RGL1: variants seen among roughly 807,000 people sequenced by gnomAD.
RGL1 encodes ral guanine nucleotide dissociation stimulator-like 1.
A neutral mutation model predicts 95.2 loss-of-function variants in RGL1; 24 were observed. The observed-to-expected ratio is 0.25, with a 90% CI of 0.18 to 0.35. RGL1 has a LOEUF of 0.35. Among genes scored for constraint, RGL1 ranks in the 10% least tolerant of loss-of-function variants. The pLI is 1.00. For missense variants in RGL1, 715 were observed against 936.3 expected, an observed-to-expected ratio of 0.76 and a Z score of 3.08; for synonymous variants, 329 against 344.9, an observed-to-expected ratio of 0.95 and a Z score of 0.51.
chr1:183,895,788 T>G (rs1488518891), intron 9 of RGL1, among the ~76,000 whole-genome samples: 1 of 152,128 alleles, frequency 6.6e-6, no homozygotes, highest in Non-Finnish European at 1.5e-5. Flanking sequence ...TCATTTGGAA[T>G]AATAGGGACT....
At chr1:183,796,338 AT>A in intron 2 of RGL1, among the ~76,000 whole-genome samples, 1 of 151,844 alleles carries the variant, frequency 6.6e-6, no homozygotes, top group East Asian at 1.9e-4. Flanking sequence ...TAATTTTTGT[AT>A]TTTTAGTAGA....
chr1:183,648,838 A>G, intron 1 of RGL1: 1 of 1,400,610 alleles, frequency 7.1e-7, no homozygotes, highest in Non-Finnish European at 9.7e-7. Context: ...AATTACATAT[A>G]AAACCAGCGC....
In RGL1 at chr1:183,892,155, G is replaced by T; in HGVS notation, c.1134G>T (p.Leu378=). ...HNNHLTSREL[L]MKEGTSKFAN... ...ACCATTTGACCAGCCGAGAACTACT[G>T]ATGAAGGTGAGGCTCTTAGTGAGGC... is the stretch of plus-strand genomic sequence containing the variant. The change falls in exon 9 of 18, where the codon CTG becomes CTT. Residue 378 remains leucine, a synonymous_variant. Transcript: ENST00000360851. The T allele has an allele frequency of 6.2e-7, 1 of 1,610,012 alleles. No homozygotes were observed. Among genetic ancestry groups the T allele is most frequent in the Non-Finnish European group, 8.5e-7 (1 of 1,176,764 alleles).
At chr1:183,765,739 G>A (rs1658928913) in intron 2 of RGL1, among the ~76,000 whole-genome samples, 1 of 152,158 alleles carries the variant, frequency 6.6e-6, no homozygotes, top group Non-Finnish European at 1.5e-5. Context: ...GGTTGTAGCT[G>A]ATTATAAGCT....
chr1:183,902,194 A>G (rs1356521065), intron 11 of RGL1, among the ~76,000 whole-genome samples: 1 of 152,202 alleles, frequency 6.6e-6, no homozygotes, highest in African/African-American at 2.4e-5. Flanking sequence ...CTTTTGATAA[A>G]CCGTATGAGT....
chr1:183,920,690 T>A (rs1669264688), intron 16 of RGL1, among the ~76,000 whole-genome samples: 1 of 152,230 alleles, frequency 6.6e-6, no homozygotes, highest in African/African-American at 2.4e-5. Flanking sequence ...GTGACCCAGC[T>A]TTGGGAGTAT....
At chr1:183,756,192 A>ATTTTTTTTT (rs34988129) in intron 2 of RGL1, among the ~76,000 whole-genome samples, 1 of 140,346 alleles carries the variant, frequency 7.1e-6, no homozygotes, top group Non-Finnish European at 1.5e-5. Flanking sequence ...GCCTGAGTTC[A>ATTTTTTTTT]TTTTTTTTTT....
chr1:183,667,918 C>T (rs1252255323), intron 1 of RGL1, among the ~76,000 whole-genome samples: 1 of 150,694 alleles, frequency 6.6e-6, no homozygotes, highest in East Asian at 1.9e-4. Flanking sequence ...TCAGGTAGTA[C>T]AAGTACTATA....
At chr1:183,732,866 A>G (rs1290564017) in intron 1 of RGL1, among the ~76,000 whole-genome samples, 1 of 152,244 alleles carries the variant, frequency 6.6e-6, no homozygotes, top group East Asian at 1.9e-4. Context: ...CTCCGTTGCT[A>G]TGCAAAGCAG....
chr1:183,647,613 C>A, intron 1 of RGL1: 2 of 1,499,314 alleles, frequency 1.3e-6, no homozygotes, highest in South Asian at 1.4e-5. Context: ...AGAAAGTTTC[C>A]AGATTTTTAT....
At position 183,892,054 on chromosome 1, in the gene RGL1, A is replaced by G. The variant is rs750310677; in HGVS notation, c.1056-23A>G. ...TTATTCCTAACTCTTCATTGTTAAT[A>G]TTTTCTTAATCCCTTTTCATAGGGA... On this transcript the variant is annotated intron_variant, in intron 8 of 17. Transcript: ENST00000360851. 1.1e-5 allele frequency: 18 copies of G among 1,582,724 alleles called. No homozygotes were observed. The East Asian group carries it at 1.3e-4, about 12-fold the overall frequency.
chr1:183,722,940 A>T (rs1656093941), intron 1 of RGL1, among the ~76,000 whole-genome samples: 1 of 152,340 alleles, frequency 6.6e-6, no homozygotes, highest in East Asian at 1.9e-4. Context: ...AAAAAATTTT[A>T]AAAAGGCAAC....
intron 1 of RGL1, among the ~76,000 whole-genome samples, chr1:183,637,759 G>C (rs931555522): frequency 6.6e-6 from 1 of 151,948 alleles, no homozygotes; most frequent in Non-Finnish European, 1.5e-5. Flanking sequence ...AACACACACT[G>C]GTAAAAATTC....
In RGL1 at chr1:183,702,447, G is replaced by A. The variant is rs142595604; in HGVS notation, c.-32-39679G>A. On this transcript the variant is annotated intron_variant, in intron 1 of 18. Coordinates refer to the RGL1 transcript ENST00000304685. ...TTTATTTCCTTCCTTTGACCCATGC[G>A]ACTGCCATTTTATACCTAGTAGATC... 2.8e-4 allele frequency among the ~76,000 whole-genome samples: 43 copies of A among 152,228 alleles called. No homozygotes were observed. In the East Asian group the frequency reaches 7.2e-3, roughly 25 times the overall value.
intron 1 of RGL1, among the ~76,000 whole-genome samples, chr1:183,673,062 C>T (rs570852657): frequency 2.8e-4 from 42 of 152,200 alleles, no homozygotes; most frequent in African/African-American, 9.9e-4. Context: ...TTTTAATTTT[C>T]CTGCATATTA....
intron 2 of RGL1, among the ~76,000 whole-genome samples, chr1:183,781,154 G>T (rs1210147166): frequency 6.6e-6 from 1 of 152,096 alleles, no homozygotes; most frequent in Non-Finnish European, 1.5e-5. Flanking sequence ...TCTCTTTTCT[G>T]AAGTAAAATA....
At chr1:183,798,075 G>A (rs1055096763) in intron 2 of RGL1, among the ~76,000 whole-genome samples, 108 of 152,192 alleles carry the variant, frequency 7.1e-4, no homozygotes, top group African/African-American at 2.5e-3. Context: ...TTTCACATTA[G>A]TCTGCTTAGG....
chr1:183,669,024 C>T (rs944977395), intron 1 of RGL1, among the ~76,000 whole-genome samples: 22 of 146,390 alleles, frequency 1.5e-4, no homozygotes, highest in African/African-American at 5.0e-4. Flanking sequence ...CTCACTGCAA[C>T]CTCCGCCTCC....
chr1:183,849,190 A>G (rs1664651180), intron 3 of RGL1, among the ~76,000 whole-genome samples: 1 of 152,148 alleles, frequency 6.6e-6, no homozygotes, highest in Non-Finnish European at 1.5e-5. Context: ...CCGGGGCTCA[A>G]GAGATCAGCC....
Sources: gnomAD v4.1 joint callset for allele counts (sites outside exome capture counted in the v4.1 genomes callset) on GRCh38, gnomAD v4.1.1 for gene constraint, MANE v1.5 for transcripts, NCBI Gene and HGNC (gene_info 2026-07-23, HGNC 2026-07-21) for gene names.